The following DBNDD2 variants were observed in gnomAD, a reference collection of about 807,000 sequenced individuals.
DBNDD2 encodes the protein dysbindin domain-containing protein 2.
Under a neutral mutation model 14.0 loss-of-function variants are expected in DBNDD2, and 8 were observed. That is an observed-to-expected ratio of 0.57 (90% CI 0.33 to 1.03). DBNDD2 has a LOEUF of 1.03. Ranked by LOEUF, DBNDD2 falls within the 50% of genes least tolerant of loss-of-function variation. The probability of loss-of-function intolerance (pLI) is 0.03; values close to 1 mark genes in which losing one functional copy is unlikely to be tolerated. For synonymous variants in DBNDD2, 94 were observed against 85.3 expected, an observed-to-expected ratio of 1.10 and a Z score of -0.56; for missense variants, 194 against 206.0, an observed-to-expected ratio of 0.94 and a Z score of 0.36.
At position 45,408,797 on chromosome 20, in the gene DBNDD2, G is replaced by A. The variant is rs1329751248; in HGVS notation, c.140-4G>A. 6 of 1,613,534 alleles carry A rather than the reference G, an allele frequency of 3.7e-6. No homozygotes were observed. Among genetic ancestry groups the A allele is most frequent in the South Asian group, 2.2e-5 (2 of 91,056 alleles). ...TCCTGACTTGCCCACTTCTTGATCC[G>A]CAGCCCCCATAGGTAGTATCTCATC... On this transcript the variant is annotated splice_polypyrimidine_tract_variant and splice_region_variant and intron_variant, in intron 1 of 2. Coordinates refer to ENST00000372710, the MANE Select transcript of DBNDD2 (RefSeq NM_001048225.4).
Position 45,408,535 on chromosome 20 carries a change from T to G in DBNDD2, c.68T>G (p.Phe23Cys). The change falls in exon 1 of 3, where the codon TTC becomes TGC. Residue 23 changes from phenylalanine (F) to cysteine (C), a missense_variant. Transcript: ENST00000372710. ...QLRLRERQKF[F>C]EDILQPETEF... ...CGCCTTCGGGAGCGGCAAAAATTCT[T>G]CGAGGACATTTTACAGCCAGAGACA... The G allele has an allele frequency of 1.2e-6, 2 of 1,614,270 alleles. No homozygotes were observed. The highest frequency in any genetic ancestry group is 1.7e-6 in the Non-Finnish European group (2 of 1,180,044).
At position 45,408,843 on chromosome 20, in the gene DBNDD2, C is replaced by T. The variant is rs762774998; in HGVS notation, c.182C>T (p.Thr61Ile). The change falls in exon 2 of 3, where the codon ACA becomes ATA. Residue 61 changes from threonine (T) to isoleucine (I), a missense_variant. By Grantham distance (89) the Thr-to-Ile change is moderately conservative. Coordinates refer to ENST00000372710, the MANE Select transcript of DBNDD2 (RefSeq NM_001048225.4). ...TCATCCATGGAAGTGAATGTGGACACACTGGAGCAAGTAGAACTTATTGAC... is the reference window on the plus strand; with the variant it reads ...TCATCCATGGAAGTGAATGTGGACATACTGGAGCAAGTAGAACTTATTGAC... ...SISSMEVNVD[T>I]LEQVELIDLG... The T allele has an allele frequency of 1.5e-5, 25 of 1,614,144 alleles. No homozygotes were observed. The Admixed American group carries it at 2.8e-4, about 18-fold the overall frequency.
At chr20:45,409,764 C>T (rs935559107) in intron 2 of DBNDD2, among the ~76,000 whole-genome samples, 168 bp from the exon 3 acceptor site, 1 of 152,224 alleles carries the variant, frequency 6.6e-6, no homozygotes, top group Non-Finnish European at 1.5e-5. Context: ...GTGGAAGGAG[C>T]TGGCAGTCAG....
rs1600794185 is a variant in DBNDD2, at chr20:45,410,569, G to C, written c.*429G>C. The C allele has an allele frequency of 5.4e-6, 1 of 184,484 alleles. No homozygotes were observed. Among genetic ancestry groups the C allele is most frequent in the South Asian group, 1.3e-4 (1 of 7,860 alleles). The allele number at this position is 184,484 out of a possible 1,614,324, so 11.4% of individuals were successfully genotyped here. On this transcript the variant is annotated 3_prime_UTR_variant, in exon 3 of 3. Coordinates refer to ENST00000372710, the MANE Select transcript of DBNDD2 (RefSeq NM_001048225.4). ...GCCTCCTTACATCCTTTTTGGAACA[G>C]AGCACGGTATAAATAATAAACTAAT...
chr20:45,407,928 G>A (rs748434492), upstream of DBNDD2: 114 of 1,356,690 alleles, frequency 8.4e-5, 1 homozygote, highest in Non-Finnish European at 9.9e-5. Flanking sequence ...GTTTGTGTGG[G>A]TGGAGAGAAA....
At chr20:45,408,219 C>G (rs1989586580), upstream of DBNDD2, 5 of 1,551,158 alleles carry the variant, frequency 3.2e-6, no homozygotes, top group Non-Finnish European at 4.4e-6. Flanking sequence ...CTTGTGGTGC[C>G]TGGAACTGGC....
At chr20:45,409,859 C>T in intron 2 of DBNDD2, 73 bp from the exon 3 acceptor site, 1 of 1,491,586 alleles carries the variant, frequency 6.7e-7, no homozygotes, top group Non-Finnish European at 9.1e-7. Flanking sequence ...ACTTTAGTTA[C>T]TCCTGGCCAG....
At chr20:45,406,463 TA>T (rs1448315351), upstream of DBNDD2, 1 of 1,525,826 alleles carries the variant, frequency 6.6e-7, no homozygotes, top group Non-Finnish European at 8.8e-7. Context: ...TGGGTGCGGG[TA>T]ACTTTTTGAC....
upstream of DBNDD2, chr20:45,406,838 C>G (rs943180498): frequency 4.1e-6 from 5 of 1,205,928 alleles, no homozygotes; most frequent in African/African-American, 1.6e-5. Context: ...CGTCCTCCGC[C>G]GACGCCTCGT....
intron 1 of DBNDD2, 76 bp from the exon 2 acceptor site, chr20:45,408,725 G>T: frequency 6.3e-7 from 1 of 1,580,970 alleles, no homozygotes; most frequent in East Asian, 2.2e-5. Flanking sequence ...CTTCTAACTT[G>T]GGACCTGACA....
upstream of DBNDD2, chr20:45,408,256 C>A (rs781319780): frequency 3.9e-5 from 61 of 1,551,696 alleles, 1 homozygote; most frequent in Middle Eastern, 1.7e-4. Flanking sequence ...TTAGGGCAAG[C>A]CCCGCCTCTG....
At chr20:45,407,905 T>C (rs1989555541), upstream of DBNDD2, 3 of 1,280,966 alleles carry the variant, frequency 2.3e-6, no homozygotes, top group South Asian at 4.9e-5. Context: ...AGATGGCACA[T>C]GCGTGTGTAC....
chr20:45,407,338 G>T, upstream of DBNDD2: 1 of 985,744 alleles, frequency 1.0e-6, no homozygotes, highest in Non-Finnish European at 1.2e-6. Context: ...GCCAGTCGGG[G>T]TTGGGTCCCT....
chr20:45,406,767 C>T, upstream of DBNDD2: 6 of 1,262,272 alleles, frequency 4.8e-6, no homozygotes, highest in Non-Finnish European at 6.0e-6. Context: ...GCAGGTGCCG[C>T]GGTGGACCGC....
At chr20:45,408,049 C>T (rs757753251), upstream of DBNDD2, 2 of 1,447,394 alleles carry the variant, frequency 1.4e-6, no homozygotes, top group Non-Finnish European at 1.8e-6. Context: ...ATCTCTGTCT[C>T]TATCCTATCC....
Position 45,410,169 on chromosome 20 carries a change from C to T in DBNDD2, c.*29C>T, listed in dbSNP as rs530082713. ...TGGGCCCCTGCCTACAGACTGACCA[C>T]GCTGGCTATTCTCCACATGAGACCA... On this transcript the variant is annotated 3_prime_UTR_variant, in exon 3 of 3. Transcript: ENST00000372710. 32 of 1,550,680 alleles carry T rather than the reference C, an allele frequency of 2.1e-5. No homozygotes were observed. The East Asian group carries it at 2.4e-4, about 12-fold the overall frequency.
chr20:45,406,151 C>G (rs1401378920), upstream of DBNDD2: 2 of 372,156 alleles, frequency 5.4e-6, no homozygotes, highest in African/African-American at 2.2e-5. Context: ...TGCCCTGCCC[C>G]CTCCTGCGGG....
upstream of DBNDD2, chr20:45,406,551 C>T: frequency 6.6e-7 from 1 of 1,511,496 alleles, no homozygotes; most frequent in Middle Eastern, 1.7e-4. Flanking sequence ...AGTGAGCCCG[C>T]CACCGCCCCT....
chr20:45,407,051 A>T (rs1256270730), upstream of DBNDD2, among the ~76,000 whole-genome samples: 1 of 151,726 alleles, frequency 6.6e-6, no homozygotes, highest in Non-Finnish European at 1.5e-5. Flanking sequence ...CCCCCGGGGG[A>T]CAGCTCCTTC....
Sources: allele counts gnomAD v4.1 joint callset (sites outside exome capture counted in the v4.1 genomes callset), GRCh38; gene constraint gnomAD v4.1.1; transcripts MANE v1.5; gene names NCBI Gene and HGNC (gene_info 2026-07-23, HGNC 2026-07-21).